Variants in ACOT7 observed in about 807,000 individuals in gnomAD.
The protein encoded by ACOT7 is cytosolic acyl coenzyme A thioester hydrolase.
A neutral mutation model predicts 40.2 loss-of-function variants in ACOT7; 12 were observed. That is an observed-to-expected ratio of 0.30 (90% CI 0.19 to 0.48). The LOEUF is 0.48. ACOT7 is among the 20% of genes least tolerant of loss of function. ACOT7 has a pLI of 0.99. For missense variants in ACOT7, 395 were observed against 530.8 expected (o/e 0.74, Z 2.51); for synonymous variants, 228 against 219.5 (o/e 1.04, Z -0.34).
At chr1:6,344,420 G>A (rs1299360964) in intron 2 of ACOT7, among the ~76,000 whole-genome samples, 1 of 152,192 alleles carries the variant, frequency 6.6e-6, no homozygotes, top group African/African-American at 2.4e-5. Context: ...TCATAGGGCA[G>A]AAGGCCACTG....
intron 1 of ACOT7, among the ~76,000 whole-genome samples, chr1:6,360,380 G>C (rs1195712135): frequency 6.6e-6 from 1 of 152,202 alleles, no homozygotes; most frequent in Non-Finnish European, 1.5e-5. Context: ...CGGGGCCCAG[G>C]CCCGGGCCAT....
chr1:6,295,767 G>T (rs1339561824), intron 6 of ACOT7, among the ~76,000 whole-genome samples: 1 of 152,054 alleles, frequency 6.6e-6, no homozygotes, highest in Non-Finnish European at 1.5e-5. Flanking sequence ...TAGGGATAAG[G>T]GATTAGGGGG....
At position 6,352,455 on chromosome 1, in the gene ACOT7, C is replaced by T. The variant is rs917764860; in HGVS notation, c.144-2589G>A. On this transcript the variant is annotated intron_variant, in intron 1 of 8. Coordinates refer to ENST00000361521, the MANE Select transcript of ACOT7 (RefSeq NM_007274.4). This position sits in a 1 kb window ranked among gnomAD's most constrained non-coding sequence, Gnocchi z 4.5. ...ACAGCTCTGTCACTCTCTCAGGCCC[C>T]GCCCCATGGCCTGGCCAAGGCCAAC... 6.2e-4 allele frequency among the ~76,000 whole-genome samples: 94 copies of T among 152,246 alleles called. No homozygotes were observed. The highest frequency in any genetic ancestry group is 1.9e-3 in the African/African-American group (77 of 41,464).
intron 6 of ACOT7, among the ~76,000 whole-genome samples, chr1:6,303,933 G>T (rs1640043012): frequency 6.6e-6 from 1 of 152,200 alleles, no homozygotes; most frequent in Admixed American, 6.5e-5. Context: ...GGTCTTGACT[G>T]CTTCCTGATG....
chr1:6,311,809 G>A lies in ACOT7; in HGVS notation c.712+6683C>T, dbSNP rs1410158258. On this transcript the variant is annotated intron_variant, in intron 6 of 8. Coordinates refer to ENST00000361521, the MANE Select transcript of ACOT7 (RefSeq NM_007274.4). The surrounding 1 kb of genome is among the most constrained non-coding windows in gnomAD (Gnocchi z 5.2). ...CCGTTTCTCTTTCCCAGGGTAGGAC[G>A]TTTACCGCGGCAGTGCTGCCCCAGC... 5.9e-5 allele frequency among the ~76,000 whole-genome samples: 9 copies of A among 152,310 alleles called. No homozygotes were observed. The South Asian group carries it at 1.5e-3, about 25-fold the overall frequency.
intron 1 of ACOT7, among the ~76,000 whole-genome samples, chr1:6,375,953 A>AT (rs1291500833): frequency 7.7e-6 from 1 of 130,150 alleles, no homozygotes; most frequent in East Asian, 2.4e-4. Flanking sequence ...AAAAAAAAAA[A>AT]TTTTTTTAAA....
At chr1:6,295,313 C>T in intron 6 of ACOT7, 1 of 200,408 alleles carries the variant, frequency 5.0e-6, no homozygotes, top group Non-Finnish European at 1.0e-5. Flanking sequence ...CACAGAACAG[C>T]ACGTGCTGGC....
At chr1:6,298,028 G>C (rs1429841341) in intron 6 of ACOT7, among the ~76,000 whole-genome samples, 1 of 152,178 alleles carries the variant, frequency 6.6e-6, no homozygotes, top group Non-Finnish European at 1.5e-5. Context: ...GGTAGGACAG[G>C]TGAGGGGAGG....
At chr1:6,363,783 C>T (rs762098202) in intron 1 of ACOT7, among the ~76,000 whole-genome samples, 18 of 152,128 alleles carry the variant, frequency 1.2e-4, no homozygotes, top group Middle Eastern at 3.2e-3. Flanking sequence ...GGGACACTAC[C>T]GGTCTCTGCA....
intron 6 of ACOT7, among the ~76,000 whole-genome samples, chr1:6,305,875 C>T (rs1640136064): frequency 6.6e-6 from 1 of 152,152 alleles, no homozygotes; most frequent in South Asian, 2.1e-4. Flanking sequence ...CGAGATCACG[C>T]CACTGCACTC....
At chr1:6,323,893 G>GGAT (rs1207186888) in intron 5 of ACOT7, among the ~76,000 whole-genome samples, 23 of 151,602 alleles carry the variant, frequency 1.5e-4, no homozygotes, top group Non-Finnish European at 2.9e-5. Context: ...TCTTGCTCTA[G>GGAT]GATGAGGTCT....
intron 5 of ACOT7, among the ~76,000 whole-genome samples, chr1:6,326,020 A>G (rs1211539894): frequency 6.6e-6 from 1 of 151,984 alleles, no homozygotes; most frequent in East Asian, 1.9e-4. Flanking sequence ...TGAGTAAGAA[A>G]CTCAAACACC....
chr1:6,344,562 G>A (rs958796213), intron 2 of ACOT7, among the ~76,000 whole-genome samples: 2 of 151,986 alleles, frequency 1.3e-5, no homozygotes, highest in Admixed American at 6.6e-5. Flanking sequence ...TCAGGAGTTC[G>A]AGGCCAGCGT....
intron 1 of ACOT7, among the ~76,000 whole-genome samples, chr1:6,360,898 G>A (rs139750106): frequency 1.3e-5 from 2 of 152,234 alleles, no homozygotes; most frequent in African/African-American, 2.4e-5. Flanking sequence ...ACAACCAGAT[G>A]GTCCCGCAAA....
In ACOT7 at chr1:6,294,010, C is replaced by T. The variant is rs761261127; in HGVS notation, c.829+854G>A. ...GCTGTGGCAAGGAGAGCCAAGCTTG[C>T]ACTTCTTCCACTCTCGCTTCCCACG... is the stretch of plus-strand genomic sequence containing the variant. On this transcript the variant is annotated intron_variant, in intron 7 of 8. Transcript: ENST00000361521. The surrounding 1 kb of genome is among the most constrained non-coding windows in gnomAD (Gnocchi z 4.6). 2.4e-4 allele frequency among the ~76,000 whole-genome samples: 36 copies of T among 152,234 alleles called. No homozygotes were observed. Among genetic ancestry groups the T allele is most frequent in the Admixed American group, 1.4e-3 (22 of 15,280 alleles).
intron 6 of ACOT7, among the ~76,000 whole-genome samples, chr1:6,297,345 C>T (rs1639837786): frequency 6.6e-6 from 1 of 152,168 alleles, no homozygotes; most frequent in Admixed American, 6.5e-5. Context: ...GCCAAGGACA[C>T]AGAATGATTC....
rs1557621105 is a variant in ACOT7 at position 6,265,237 on chromosome 1, CACGGTCACTGCCCCAG to C, written c.1015-558_1015-543del. Among the ~76,000 whole-genome samples, 56 of 137,592 alleles carry C rather than the reference CACGGTCACTGCCCCAG, an allele frequency of 4.1e-4. 1 individual carries two copies. The highest frequency in any genetic ancestry group is 1.2e-3 in the African/African-American group (40 of 32,870). The allele number at this position is 137,592 out of a possible 152,430, so 90.3% of individuals were successfully genotyped here. A position where few individuals can be genotyped will look rare whatever the true frequency, so the allele number is the denominator to read the frequency against. ...AGAGAAGTGGGGAAAGCCAGCTGCA[CACGGTCACTGCCCCAG>C]AGAGACGTGGGGAAAGCCAGCTGCA... On this transcript the variant is annotated intron_variant, in intron 8 of 8. Coordinates refer to ENST00000361521, the MANE Select transcript of ACOT7 (RefSeq NM_007274.4).
intron 3 of ACOT7, among the ~76,000 whole-genome samples, chr1:6,339,145 CACGGGCAGCAGG>C (rs774431340): frequency 2.6e-5 from 4 of 151,934 alleles, no homozygotes; most frequent in African/African-American, 4.9e-5. Context: ...ATGAGCTGGC[CACGGGCAGCAGG>C]ACAGGCAGCA....
At chr1:6,336,763 C>T (rs1466242577) in intron 3 of ACOT7, among the ~76,000 whole-genome samples, 4 of 121,812 alleles carry the variant, frequency 3.3e-5, no homozygotes, top group South Asian at 4.5e-4. Flanking sequence ...GCTGTTGGGG[C>T]CTTCGAGTTC....
Sources: allele counts gnomAD v4.1 joint callset (sites outside exome capture counted in the v4.1 genomes callset), GRCh38; gene constraint gnomAD v4.1.1; non-coding constraint Gnocchi (gnomAD v3.1); transcripts MANE v1.5; gene names NCBI Gene and HGNC (gene_info 2026-07-23, HGNC 2026-07-21).